KCNQ2: variants seen among roughly 807,000 people sequenced by gnomAD.
The protein encoded by KCNQ2 is potassium voltage-gated channel subfamily Q member 2, also known as potassium voltage-gated channel subfamily KQT member 2.
A neutral mutation model predicts 84.8 loss-of-function variants in KCNQ2; 14 were observed. The ratio of observed to expected loss-of-function variants is 0.17; its 90% CI spans 0.11 to 0.26. The LOEUF is 0.26. Ranked by LOEUF, KCNQ2 falls within the 10% of genes least tolerant of loss-of-function variation. The pLI, the probability that KCNQ2 is intolerant of heterozygous loss-of-function variation, is 1.00. For missense variants in KCNQ2, 788 were observed against 1,254.0 expected (o/e 0.63, Z 5.61); for synonymous variants, 599 against 554.1 (o/e 1.08, Z -1.14).
At chr20:63,416,038 C>G (rs1350231049) in intron 12 of KCNQ2, among the ~76,000 whole-genome samples, 1 of 152,202 alleles carries the variant, frequency 6.6e-6, no homozygotes, top group Non-Finnish European at 1.5e-5. Context: ...CAGGCCTCCC[C>G]TGTCAGGCTC....
At chr20:63,433,686 G>A in intron 8 of KCNQ2, 123 bp downstream of exon 8, 11 of 1,577,656 alleles carry the variant, frequency 7.0e-6, no homozygotes, top group Non-Finnish European at 9.6e-6. Context: ...ACTCCTTTGT[G>A]AAAAATACAT....
chr20:63,444,479 C>T (rs1311012613), intron 4 of KCNQ2, among the ~76,000 whole-genome samples, 180 bp downstream of exon 4: 1 of 152,154 alleles, frequency 6.6e-6, no homozygotes, highest in Non-Finnish European at 1.5e-5. Flanking sequence ...AGAAGAAGCA[C>T]CGAGAAGAAA....
intron 7 of KCNQ2, among the ~76,000 whole-genome samples, chr20:63,435,396 C>A (rs6062450): frequency 0.9 from 131,356 of 146,314 alleles, 58,940 homozygotes; most frequent in East Asian, 0.99. Flanking sequence ...TCAACAACAA[C>A]AAAAAAAAAA....
intron 10 of KCNQ2, among the ~76,000 whole-genome samples, chr20:63,427,892 C>A (rs2080678486): frequency 6.6e-6 from 1 of 152,198 alleles, no homozygotes; most frequent in Non-Finnish European, 1.5e-5. Flanking sequence ...CCTGGGCAGG[C>A]CTGGCAGGTG....
intron 2 of KCNQ2, 192 bp from the exon 3 acceptor site, chr20:63,445,556 C>G: frequency 2.0e-6 from 1 of 494,984 alleles, no homozygotes. Context: ...TCTGGAGACC[C>G]TGCATCCGGG....
At chr20:63,463,342 C>A (rs932389995) in intron 1 of KCNQ2, among the ~76,000 whole-genome samples, 1 of 152,310 alleles carries the variant, frequency 6.6e-6, no homozygotes, top group Non-Finnish European at 1.5e-5. Flanking sequence ...CAGGCTGCCT[C>A]CTGCTCCGTC....
chr20:63,453,176 G>A (rs1300733148), intron 1 of KCNQ2, among the ~76,000 whole-genome samples: 1 of 152,172 alleles, frequency 6.6e-6, no homozygotes, highest in African/African-American at 2.4e-5. Flanking sequence ...CACCCCAGGA[G>A]ACACCAGTCC....
intron 14 of KCNQ2, 69 bp from the exon 15 acceptor site, chr20:63,413,650 C>T: frequency 3.8e-6 from 6 of 1,586,706 alleles, no homozygotes; most frequent in Non-Finnish European, 5.2e-6. Flanking sequence ...CAGGACCTTC[C>T]TAGCACCTCT....
At position 63,413,439 on chromosome 20, in the gene KCNQ2, G is replaced by A. The variant is rs200125130; in HGVS notation, c.1763+11C>T. ...CTTGTCCCCTGCTGGACAGGCAGGC[G>A]GGGCTCTTGCCTGGACTGCAGGCTC... On this transcript the variant is annotated intron_variant, in intron 15 of 16. Transcript: ENST00000359125. The A allele has an allele frequency of 5.1e-5, 83 of 1,612,938 alleles. No homozygotes were observed. The highest frequency in any genetic ancestry group is 6.4e-5 in the Non-Finnish European group (75 of 1,179,934).
At chr20:63,452,210 T>A (rs1007394761) in intron 1 of KCNQ2, among the ~76,000 whole-genome samples, 1 of 152,200 alleles carries the variant, frequency 6.6e-6, no homozygotes, top group African/African-American at 2.4e-5. Context: ...ATGTGAAAAC[T>A]GTCAGCATCT....
intron 8 of KCNQ2, 106 bp downstream of exon 8, chr20:63,433,703 G>T (rs1555865281): frequency 6.3e-7 from 1 of 1,594,642 alleles, no homozygotes; most frequent in South Asian, 1.1e-5. Context: ...ACATTTTAAA[G>T]AAAAAAAATC....
chr20:63,468,186 A>T (rs1438404388), intron 1 of KCNQ2, among the ~76,000 whole-genome samples: 1 of 152,082 alleles, frequency 6.6e-6, no homozygotes, highest in East Asian at 1.9e-4. Context: ...AGAAACCACA[A>T]CTCTCCGAGG....
Position 63,405,352 on chromosome 20 carries a change from A to G in KCNQ2, c.*1292T>C, listed in dbSNP as rs2145473105. The G allele has an allele frequency of 6.6e-6, 1 of 152,340 alleles. No homozygotes were observed. Among genetic ancestry groups the G allele is most frequent in the East Asian group, 1.9e-4 (1 of 5,166 alleles). 9.4% of individuals were successfully genotyped at this position (152,340 alleles called of 1,614,324 possible). On this transcript the variant is annotated 3_prime_UTR_variant, in exon 17 of 17. Coordinates refer to ENST00000359125, the MANE Select transcript of KCNQ2 (RefSeq NM_172107.4). ...TCTGGAGCTAGGGACTCGCTCCCGCATTAGAGCCGCCTGCCCCAAGGGCCA... is the reference window on the plus strand; with the variant it reads ...TCTGGAGCTAGGGACTCGCTCCCGCGTTAGAGCCGCCTGCCCCAAGGGCCA...
rs1040834588 is a variant in KCNQ2, at chr20:63,408,625, T to C, written c.1764-89A>G. 1 of 1,555,552 alleles carries C rather than the reference T, an allele frequency of 6.4e-7. No homozygotes were observed. The highest frequency in any genetic ancestry group is 8.7e-7 in the Non-Finnish European group (1 of 1,153,306). ...CTCCTGGACCAGGCCACAGTGCCCC[T>C]GGGTCTAGGCTGCAGGCTCAGCCCA... is the stretch of plus-strand genomic sequence containing the variant. On this transcript the variant is annotated intron_variant, in intron 15 of 16. Transcript: ENST00000359125. This position sits in a 1 kb window ranked among gnomAD's most constrained non-coding sequence, Gnocchi z 5.0.
In KCNQ2 at chr20:63,446,910, G is replaced by A; in HGVS notation, c.297-73C>T. 1 of 1,330,402 alleles carries A rather than the reference G, an allele frequency of 7.5e-7. No individual in the cohort carries two copies. Among genetic ancestry groups the A allele is most frequent in the Middle Eastern group, 1.8e-4 (1 of 5,446 alleles). 82.4% of individuals were successfully genotyped at this position (1,330,402 alleles called of 1,614,324 possible). Reference sequence around the variant, plus strand: ...AGCATGGCTGTGTCTCCAGAACTCAGGACCCCACTCCCCACCAGGCCGCAG... The same window carrying A: ...AGCATGGCTGTGTCTCCAGAACTCAAGACCCCACTCCCCACCAGGCCGCAG... On this transcript the variant is annotated intron_variant, in intron 1 of 16. Coordinates refer to ENST00000359125, the MANE Select transcript of KCNQ2 (RefSeq NM_172107.4). This position sits in a 1 kb window ranked among gnomAD's most constrained non-coding sequence, Gnocchi z 5.5.
At chr20:63,436,721 T>C (rs1351627663) in intron 7 of KCNQ2, among the ~76,000 whole-genome samples, 1 of 152,212 alleles carries the variant, frequency 6.6e-6, no homozygotes, top group Non-Finnish European at 1.5e-5. Flanking sequence ...TTTACTGTTT[T>C]TTAGACATAA....
Position 63,472,295 on chromosome 20 carries a change from G to A in KCNQ2, c.169C>T (p.Pro57Ser), listed in dbSNP as rs1276943039. The A allele has an allele frequency of 3.2e-6, 5 of 1,538,898 alleles. No homozygotes were observed. The highest frequency in any genetic ancestry group is 1.4e-5 in the African/African-American group (1 of 70,966). Reference sequence around the variant, plus strand: ...CCGGCGCCCGCGCCGCCCGCGCGAGGTTTGCTGAGGATGCTGCCGCGCTTG... The same window carrying A: ...CCGGCGCCCGCGCCGCCCGCGCGAGATTTGCTGAGGATGCTGCCGCGCTTG... ...APKRGSILSK[P>S]RAGGAGAGKP... is the part of the protein sequence containing the mutation. The change falls in exon 1 of 17, where the codon CCT (proline) becomes TCT (serine). Residue 57 changes from proline (P) to serine (S), a missense_variant. Physicochemically the swap from Pro to Ser is moderately conservative, Grantham distance 74. This residue lies in a region of KCNQ2 where 106 missense variants were observed against 214.8 expected (regional missense o/e 0.49). Coordinates refer to ENST00000359125, the MANE Select transcript of KCNQ2 (RefSeq NM_172107.4).
At chr20:63,464,644 G>A (rs1010764842) in intron 1 of KCNQ2, among the ~76,000 whole-genome samples, 7 of 152,116 alleles carry the variant, frequency 4.6e-5, no homozygotes, top group African/African-American at 9.7e-5. Flanking sequence ...GCTCCCCGAC[G>A]CTGGAACAGG....
chr20:63,408,547 C>G lies in KCNQ2; in HGVS notation c.1764-11G>C, dbSNP rs761434845. The G allele has an allele frequency of 1.2e-6, 2 of 1,610,428 alleles. No individual in the cohort carries two copies. The highest frequency in any genetic ancestry group is 1.3e-5 in the African/African-American group (1 of 74,930). On this transcript the variant is annotated splice_polypyrimidine_tract_variant and intron_variant, in intron 15 of 16. Transcript: ENST00000359125. This position sits in a 1 kb window ranked among gnomAD's most constrained non-coding sequence, Gnocchi z 5.0. The stretch of plus-strand genomic sequence containing the variant: ...ACGATCTGGTCCACTCTACCGGGAA[C>G]AGAGACCCCAAAGCATGAGTTCGGG...
Sources: allele counts gnomAD v4.1 joint callset (sites outside exome capture counted in the v4.1 genomes callset), GRCh38; gene constraint gnomAD v4.1.1; regional missense constraint gnomAD v4.1.1; non-coding constraint Gnocchi (gnomAD v3.1); transcripts MANE v1.5; gene names NCBI Gene and HGNC (gene_info 2026-07-23, HGNC 2026-07-21).